CELF5: variants seen among roughly 807,000 people sequenced by gnomAD.
CELF5 encodes CUGBP Elav-like family member 5.
Under a neutral mutation model 54.9 loss-of-function variants are expected in CELF5, and 6 were observed. The observed-to-expected ratio is 0.11, with a 90% CI of 0.06 to 0.22. The LOEUF (loss-of-function observed/expected upper bound fraction) is 0.22, where lower values mean the gene tolerates loss of function less well. Among genes scored for constraint, CELF5 ranks in the 10% least tolerant of loss-of-function variants. The probability of loss-of-function intolerance (pLI) is 1.00; values close to 1 mark genes in which losing one functional copy is unlikely to be tolerated. For missense variants in CELF5, 401 were observed against 678.6 expected (o/e 0.59, Z 4.54); for synonymous variants, 271 against 290.9 (o/e 0.93, Z 0.70).
chr19:3,245,139 G>A (rs1431667718), intron 1 of CELF5, among the ~76,000 whole-genome samples: 1 of 150,440 alleles, frequency 6.6e-6, no homozygotes, highest in Non-Finnish European at 1.5e-5. Context: ...AGTGTGTGGT[G>A]TGTGCGTGCA....
chr19:3,287,972 G>A (rs969693364), intron 10 of CELF5, among the ~76,000 whole-genome samples: 1 of 152,158 alleles, frequency 6.6e-6, no homozygotes, highest in Non-Finnish European at 1.5e-5. Context: ...ACTGTGAAAC[G>A]GTGGAGGGAG....
At chr19:3,290,485 C>A in intron 11 of CELF5, 111 bp downstream of exon 11, 1 of 1,194,358 alleles carries the variant, frequency 8.4e-7, no homozygotes, top group Non-Finnish European at 1.2e-6. Flanking sequence ...GAAATAATCA[C>A]AATCAGAACC....
rs1189957913 is a variant in CELF5, at chr19:3,282,697, C to T, written c.1039+199C>T. On this transcript the variant is annotated intron_variant, in intron 8 of 12. Transcript: ENST00000292672. This position sits in a 1 kb window ranked among gnomAD's most constrained non-coding sequence, Gnocchi z 5.2. ...GTAATAACACATTAAAACGGTGCAT[C>T]TGGATGTTTCTGAGCTTAAATTCCA... 1.3e-5 allele frequency among the ~76,000 whole-genome samples: 2 copies of T among 152,180 alleles called. No homozygotes were observed. Among genetic ancestry groups the T allele is most frequent in the African/African-American group, 4.8e-5 (2 of 41,438 alleles).
intron 2 of CELF5, among the ~76,000 whole-genome samples, chr19:3,251,831 T>C (rs927066471): frequency 6.6e-6 from 1 of 151,828 alleles, no homozygotes; most frequent in African/African-American, 2.4e-5. Flanking sequence ...TGCACCACCA[T>C]GCCTGGCTAA....
At chr19:3,291,611 G>A (rs1387130317) in intron 11 of CELF5, among the ~76,000 whole-genome samples, 3 of 150,308 alleles carry the variant, frequency 2.0e-5, no homozygotes, top group Admixed American at 1.3e-4. Flanking sequence ...TGAATGAGGA[G>A]CACCAGGCAT....
At chr19:3,252,304 G>C in intron 2 of CELF5, among the ~76,000 whole-genome samples, 1 of 152,310 alleles carries the variant, frequency 6.6e-6, no homozygotes, top group East Asian at 1.9e-4. Flanking sequence ...CAAAGTGCTG[G>C]GATTACAGGT....
At position 3,282,897 on chromosome 19, in the gene CELF5, C is replaced by G. The variant is rs1368518438; in HGVS notation, c.1039+399C>G. On this transcript the variant is annotated intron_variant, in intron 8 of 12. Coordinates refer to ENST00000292672, the MANE Select transcript of CELF5 (RefSeq NM_021938.4). This position sits in a 1 kb window ranked among gnomAD's most constrained non-coding sequence, Gnocchi z 5.2. ...CCAGGCTGCATTGCAGTGGCACAAT[C>G]TTGGCTGACTGTAACCTCCGCTTCC... Among the ~76,000 whole-genome samples, 1 of 152,226 alleles carries G rather than the reference C, an allele frequency of 6.6e-6. No individual in the cohort carries two copies. Among genetic ancestry groups the G allele is most frequent in the Admixed American group, 6.5e-5 (1 of 15,286 alleles).
At chr19:3,263,819 C>A (rs186456769) in intron 2 of CELF5, among the ~76,000 whole-genome samples, 1 of 151,754 alleles carries the variant, frequency 6.6e-6, no homozygotes, top group Non-Finnish European at 1.5e-5. Flanking sequence ...GAAGGAGAAT[C>A]GCTTGAAACT....
At chr19:3,290,176 G>A (rs913110279) in intron 10 of CELF5, 55 bp from the exon 11 acceptor site, 27 of 1,518,120 alleles carry the variant, frequency 1.8e-5, no homozygotes, top group South Asian at 2.3e-5. Flanking sequence ...CCTCCCCCGG[G>A]GGGGTTCGCC....
At chr19:3,250,791 C>T (rs1328028637) in intron 1 of CELF5, among the ~76,000 whole-genome samples, 194 bp from the exon 2 acceptor site, 6 of 152,198 alleles carry the variant, frequency 3.9e-5, no homozygotes, top group Admixed American at 3.9e-4. Context: ...ATCCATGTTG[C>T]AGCCTGTGTC....
chr19:3,225,329 C>A (rs1424192720), intron 1 of CELF5, among the ~76,000 whole-genome samples: 1 of 109,822 alleles, frequency 9.1e-6, no homozygotes, highest in Non-Finnish European at 1.9e-5. Flanking sequence ...TCATCCTTCC[C>A]CCCACAGCAC....
intron 10 of CELF5, among the ~76,000 whole-genome samples, chr19:3,288,663 C>A (rs934356188): frequency 6.6e-6 from 1 of 152,110 alleles, no homozygotes; most frequent in Non-Finnish European, 1.5e-5. Flanking sequence ...GCCTGGGCAA[C>A]ATAGTGAGAC....
At chr19:3,233,070 G>A (rs191888929) in intron 1 of CELF5, among the ~76,000 whole-genome samples, 4 of 150,822 alleles carry the variant, frequency 2.7e-5, no homozygotes, top group East Asian at 3.9e-4. Flanking sequence ...GTGAAACTCC[G>A]TCTCAAAAAA....
intron 11 of CELF5, among the ~76,000 whole-genome samples, chr19:3,290,970 T>A (rs556085657): frequency 6.6e-6 from 1 of 151,114 alleles, no homozygotes; most frequent in Non-Finnish European, 1.5e-5. Flanking sequence ...AAAGACAACC[T>A]TTTTAATTAG....
At chr19:3,261,214 T>A (rs1423200994) in intron 2 of CELF5, among the ~76,000 whole-genome samples, 1 of 152,028 alleles carries the variant, frequency 6.6e-6, no homozygotes, top group Non-Finnish European at 1.5e-5. Flanking sequence ...GGTCAGGAGT[T>A]CAAGACCAGT....
At chr19:3,271,504 G>A (rs2079963770) in intron 2 of CELF5, among the ~76,000 whole-genome samples, 1 of 152,328 alleles carries the variant, frequency 6.6e-6, no homozygotes, top group African/African-American at 2.4e-5. Context: ...TGGGCTGGGA[G>A]GATTGGGGGC....
chr19:3,273,187 G>A (rs925228924), intron 2 of CELF5, among the ~76,000 whole-genome samples: 18 of 152,014 alleles, frequency 1.2e-4, no homozygotes, highest in African/African-American at 2.2e-4. Flanking sequence ...ATTTGTTCTC[G>A]ATTCTGCAAA....
chr19:3,281,664 C>T lies in CELF5; in HGVS notation c.750+319C>T, dbSNP rs72987088. ...AACTGAGACCTGACCTGATCAAGCT[C>T]CACCCTGGCTGAGACCTGATCCCAA... On this transcript the variant is annotated intron_variant, in intron 6 of 12. Transcript: ENST00000292672. This position sits in a 1 kb window ranked among gnomAD's most constrained non-coding sequence, Gnocchi z 6.5. Among the ~76,000 whole-genome samples, 131 of 152,298 alleles carry T rather than the reference C, an allele frequency of 8.6e-4. No individual in the cohort carries two copies. The highest frequency in any genetic ancestry group is 1.3e-3 in the Non-Finnish European group (89 of 68,034).
At chr19:3,265,090 G>A (rs1163219219) in intron 2 of CELF5, among the ~76,000 whole-genome samples, 2 of 152,114 alleles carry the variant, frequency 1.3e-5, no homozygotes, top group East Asian at 3.9e-4. Flanking sequence ...TAATCCCGGT[G>A]CTTTGGGAGG....
Sources: gnomAD v4.1 joint callset for allele counts (sites outside exome capture counted in the v4.1 genomes callset) on GRCh38, gnomAD v4.1.1 for gene constraint, Gnocchi (gnomAD v3.1) non-coding constraint, MANE v1.5 for transcripts, NCBI Gene and HGNC (gene_info 2026-07-23, HGNC 2026-07-21) for gene names.